CFAP61: variants seen among roughly 807,000 people sequenced by gnomAD.
CFAP61 encodes cilia- and flagella-associated protein 61.
CFAP61 carries 107 observed loss-of-function variants against 135.6 expected under a neutral mutation model. That is an observed-to-expected ratio of 0.79 (90% CI 0.67 to 0.93). CFAP61 has a LOEUF of 0.93. Ranked by LOEUF, CFAP61 falls within the 40% of genes least tolerant of loss-of-function variation. The pLI is 0.00. For missense variants in CFAP61, 1,507 were observed against 1,556.2 expected, an observed-to-expected ratio of 0.97 and a Z score of 0.53; for synonymous variants, 575 against 578.5, an observed-to-expected ratio of 0.99 and a Z score of 0.09.
chr20:20,073,162 C>T lies in CFAP61; in HGVS notation c.295-1140C>T, dbSNP rs545150572. ...AATCAAGCAAGTAATAAGCCATATG[C>T]TCCTGAGGCTAGTCCTATTCAGGAT... is the stretch of plus-strand genomic sequence containing the variant. On this transcript the variant is annotated intron_variant, in intron 3 of 26. Transcript: ENST00000245957. 5.4e-4 allele frequency among the ~76,000 whole-genome samples: 82 copies of T among 152,312 alleles called. 2 individuals carry two copies. Among genetic ancestry groups the T allele is most frequent in the African/African-American group, 1.8e-3 (75 of 41,560 alleles).
intron 1 of CFAP61, among the ~76,000 whole-genome samples, chr20:20,053,643 T>C (rs1374404389): frequency 6.6e-6 from 1 of 152,224 alleles, no homozygotes; most frequent in Non-Finnish European, 1.5e-5. Flanking sequence ...ACAAAAGATT[T>C]ATGCAGATTT....
chr20:20,143,310 A>G (rs13040166), intron 9 of CFAP61, among the ~76,000 whole-genome samples: 3,539 of 152,236 alleles, frequency 0.023, 68 homozygotes, highest in Middle Eastern at 0.13. Context: ...CTCCAATGGG[A>G]CAGCATTTTC....
intron 21 of CFAP61, among the ~76,000 whole-genome samples, chr20:20,273,294 C>T (rs2053503590): frequency 6.6e-6 from 1 of 152,122 alleles, no homozygotes; most frequent in Non-Finnish European, 1.5e-5. Flanking sequence ...TAGGCACACA[C>T]AATTTTGGTT....
At chr20:20,200,574 A>G (rs560958102) in intron 17 of CFAP61, 1 of 362,564 alleles carries the variant, frequency 2.8e-6, no homozygotes, top group East Asian at 1.7e-4. Context: ...GGAAAACATA[A>G]TTTTCTCATG....
chr20:20,181,450 C>A (rs1007029246), intron 13 of CFAP61, among the ~76,000 whole-genome samples: 1 of 151,886 alleles, frequency 6.6e-6, no homozygotes, highest in Non-Finnish European at 1.5e-5. Context: ...TCAAAGTCAG[C>A]CAAAAACAGG....
Position 20,351,595 on chromosome 20 carries a change from A to G in CFAP61, c.3514-8615A>G, listed in dbSNP as rs937953257. Among the ~76,000 whole-genome samples, 11 of 151,770 alleles carry G rather than the reference A, an allele frequency of 7.2e-5. No individual in the cohort carries two copies. The South Asian group carries it at 1.7e-3, about 23-fold the overall frequency. ...TCTCGAAAAAAAAAAAAATGTTTAT[A>G]TACACTAACAATAAACTATCTGAAA... On this transcript the variant is annotated intron_variant, in intron 26 of 26. Coordinates refer to ENST00000245957, the MANE Select transcript of CFAP61 (RefSeq NM_015585.4).
rs1403356426 is a variant in CFAP61 at position 20,263,101 on chromosome 20, G to A, written c.2474G>A (p.Trp825Ter). The A allele has an allele frequency of 6.2e-7, 1 of 1,613,620 alleles. No homozygotes were observed. Among genetic ancestry groups the A allele is most frequent in the African/African-American group, 1.3e-5 (1 of 74,868 alleles). The change falls in exon 21 of 27, where the codon TGG becomes TAG. Residue 825 changes from tryptophan to a stop codon, truncating the protein, a stop_gained. Transcript: ENST00000245957. LOFTEE classifies it high-confidence loss of function. ...EEEDCFKALI[W>*]IRNNSITTEG... is the part of the protein sequence containing the mutation. ...GAGGATTGCTTTAAGGCACTGATTT[G>A]GATAAGGAATAACTCCATCACCACA...
chr20:20,333,144 C>T (rs772878204), intron 25 of CFAP61, among the ~76,000 whole-genome samples: 10 of 152,194 alleles, frequency 6.6e-5, no homozygotes, highest in Admixed American at 2.6e-4. Flanking sequence ...TTCTAATTCA[C>T]ACCAGAAAGG....
intron 13 of CFAP61, among the ~76,000 whole-genome samples, chr20:20,181,197 A>ATATATATGTATATATACATATGTG (rs1258127466): frequency 1.5e-5 from 2 of 137,234 alleles, no homozygotes; most frequent in African/African-American, 5.3e-5. Flanking sequence ...ATATATATGT[A>ATATATATGTATATATACATATGTG]TATATATGTA....
intron 18 of CFAP61, 145 bp from the exon 19 acceptor site, chr20:20,245,972 T>C: frequency 1.6e-6 from 1 of 611,560 alleles, no homozygotes; most frequent in East Asian, 2.8e-5. Flanking sequence ...GTTGGTTCTA[T>C]CTGAAGGTTC....
At chr20:20,159,020 T>C (rs919790281) in intron 9 of CFAP61, among the ~76,000 whole-genome samples, 1 of 152,222 alleles carries the variant, frequency 6.6e-6, no homozygotes, top group East Asian at 1.9e-4. Context: ...CTCAATACAG[T>C]AGTTTTTTAA....
chr20:20,068,248 G>T (rs1292809818), intron 2 of CFAP61, among the ~76,000 whole-genome samples: 1 of 152,212 alleles, frequency 6.6e-6, no homozygotes, highest in Non-Finnish European at 1.5e-5. Flanking sequence ...GAGCTGACAT[G>T]TACAGCGTCT....
chr20:20,210,427 G>A (rs758097099), intron 17 of CFAP61, among the ~76,000 whole-genome samples: 7 of 152,164 alleles, frequency 4.6e-5, no homozygotes, highest in African/African-American at 1.2e-4. Flanking sequence ...CTTGCAACCC[G>A]TTATCTGCCT....
At chr20:20,160,959 A>C (rs1214300717) in intron 10 of CFAP61, among the ~76,000 whole-genome samples, 2 of 152,112 alleles carry the variant, frequency 1.3e-5, no homozygotes, top group Non-Finnish European at 2.9e-5. Context: ...GGGTTGATTC[A>C]CCATAGTCAC....
At chr20:20,055,815 C>T in intron 1 of CFAP61, 2 of 674,890 alleles carry the variant, frequency 3.0e-6, no homozygotes, top group Non-Finnish European at 5.2e-6. Flanking sequence ...ATTGTTTTCC[C>T]TGTTTTGAGC....
chr20:20,260,387 T>C (rs1022029270), intron 20 of CFAP61, among the ~76,000 whole-genome samples: 1 of 152,240 alleles, frequency 6.6e-6, no homozygotes, highest in Non-Finnish European at 1.5e-5. Flanking sequence ...CAAAGCAAGC[T>C]TCTTTTTCCA....
chr20:20,105,019 G>C (rs569065329), intron 8 of CFAP61, among the ~76,000 whole-genome samples: 31 of 152,222 alleles, frequency 2.0e-4, no homozygotes, highest in South Asian at 1.2e-3. Flanking sequence ...ACGAGTTTTG[G>C]GGGTGGGAGG....
chr20:20,338,546 T>G (rs1434927992), intron 25 of CFAP61, among the ~76,000 whole-genome samples: 1 of 152,276 alleles, frequency 6.6e-6, no homozygotes, highest in African/African-American at 2.4e-5. Flanking sequence ...ACCGCCACGC[T>G]GTGCCAATGC....
chr20:20,179,417 G>C (rs1445315875), intron 13 of CFAP61, among the ~76,000 whole-genome samples: 1 of 152,104 alleles, frequency 6.6e-6, no homozygotes, highest in Non-Finnish European at 1.5e-5. Context: ...CCATGGTCAT[G>C]GATAGAAAGA....
Sources: allele counts gnomAD v4.1 joint callset (sites outside exome capture counted in the v4.1 genomes callset), GRCh38; gene constraint gnomAD v4.1.1; transcripts MANE v1.5; gene names NCBI Gene and HGNC (gene_info 2026-07-23, HGNC 2026-07-21).